Variants in CUX2 observed in about 807,000 individuals in gnomAD.
CUX2 encodes homeobox protein cut-like 2.
Under a neutral mutation model 144.8 loss-of-function variants are expected in CUX2, and 40 were observed. The ratio of observed to expected loss-of-function variants is 0.28; its 90% confidence interval spans 0.21 to 0.36. The LOEUF (loss-of-function observed/expected upper bound fraction) is 0.36, where lower values mean the gene tolerates loss of function less well. CUX2 is among the 10% of genes least tolerant of loss of function. The pLI is 1.00. For synonymous variants in CUX2, 827 were observed against 875.6 expected (o/e 0.94, Z 0.98); for missense variants, 1,615 against 1,994.0 (o/e 0.81, Z 3.62).
At chr12:111,141,333 C>A (rs1876304545) in intron 1 of CUX2, among the ~76,000 whole-genome samples, 1 of 152,110 alleles carries the variant, frequency 6.6e-6, no homozygotes, top group African/African-American at 2.4e-5. Context: ...AGACCTGTGC[C>A]TGTACTTGTT....
chr12:111,095,926 A>G (rs779168671), intron 1 of CUX2, among the ~76,000 whole-genome samples: 9 of 152,120 alleles, frequency 5.9e-5, no homozygotes, highest in Admixed American at 1.3e-4. Flanking sequence ...GTCCCTGCAC[A>G]TGGTGGTTGC....
chr12:111,231,429 G>A (rs1017406566), intron 3 of CUX2, among the ~76,000 whole-genome samples: 2 of 152,194 alleles, frequency 1.3e-5, no homozygotes, highest in African/African-American at 4.8e-5. Context: ...TTGTGGCTGT[G>A]TTTAACAACC....
In CUX2 at chr12:111,308,304, C is replaced by A; in HGVS notation, c.1129C>A (p.Leu377Met). 1 of 1,614,154 alleles carries A rather than the reference C, an allele frequency of 6.2e-7. No homozygotes were observed. The highest frequency in any genetic ancestry group is 8.5e-7 in the Non-Finnish European group (1 of 1,180,012). ...TGGCAGCATCCTGAAAGCCATGAAGCTGGCCTCCAGCACCTGCAGCCTCCC... is the reference window on the plus strand; with the variant it reads ...TGGCAGCATCCTGAAAGCCATGAAGATGGCCTCCAGCACCTGCAGCCTCCC... ...TELSILKAMK[L>M]ASSTCSLPQG... Residue 377 changes from leucine to methionine, a missense_variant, in exon 13 of 22, where the codon CTG becomes ATG. By Grantham distance (15) the Leu-to-Met change is conservative (BLOSUM62 2). Transcript: ENST00000261726.
At chr12:111,336,498 A>G (rs1565930421) in intron 19 of CUX2, among the ~76,000 whole-genome samples, 1 of 151,164 alleles carries the variant, frequency 6.6e-6, no homozygotes, top group Non-Finnish European at 1.5e-5. Flanking sequence ...CCCAGGCTGG[A>G]GTGCAGTCGT....
At chr12:111,120,602 C>G (rs1159796114) in intron 1 of CUX2, among the ~76,000 whole-genome samples, 2 of 151,646 alleles carry the variant, frequency 1.3e-5, no homozygotes, top group South Asian at 2.1e-4. Context: ...AAAGGATGCC[C>G]TTTGTCCTCA....
intron 1 of CUX2, among the ~76,000 whole-genome samples, chr12:111,187,776 C>T (rs1480182499): frequency 6.6e-6 from 1 of 152,184 alleles, no homozygotes; most frequent in Non-Finnish European, 1.5e-5. Context: ...GGCCCACTGG[C>T]CTGCTTCTTC....
Position 111,147,857 on chromosome 12 carries a change from G to C in CUX2, c.64-66343G>C, listed in dbSNP as rs189111798. ...GTCTCAGCAAACGAGTCCTCCAGGG[G>C]GCCCAGGCTCCCAGACACAGGGGCT... is the stretch of plus-strand genomic sequence containing the variant. On this transcript the variant is annotated intron_variant, in intron 1 of 21. Coordinates refer to ENST00000261726, the MANE Select transcript of CUX2 (RefSeq NM_015267.4). Among the ~76,000 whole-genome samples, 4 of 152,244 alleles carry C rather than the reference G, an allele frequency of 2.6e-5. No homozygotes were observed. The East Asian group carries it at 7.7e-4, about 29-fold the overall frequency.
At chr12:111,062,600 GCT>G (rs61201567) in intron 1 of CUX2, among the ~76,000 whole-genome samples, 4,366 of 152,302 alleles carry the variant, frequency 0.029, 189 homozygotes, top group African/African-American at 0.099. Flanking sequence ...CATGCTCTCT[GCT>G]CTCGAGGTGC....
At chr12:111,045,548 G>A (rs1373277028) in intron 1 of CUX2, among the ~76,000 whole-genome samples, 1 of 152,226 alleles carries the variant, frequency 6.6e-6, no homozygotes, top group African/African-American at 2.4e-5. Context: ...TGGGCATGTT[G>A]TGAGCCTTTC....
intron 18 of CUX2, among the ~76,000 whole-genome samples, chr12:111,325,624 T>G (rs1210720290): frequency 3.5e-5 from 4 of 112,702 alleles, no homozygotes; most frequent in Non-Finnish European, 5.3e-5. Flanking sequence ...TATAGTGTTG[T>G]GGTGGGGAGG....
chr12:111,333,625 G>A (rs1442781163), intron 18 of CUX2, among the ~76,000 whole-genome samples: 1 of 152,150 alleles, frequency 6.6e-6, no homozygotes, highest in Non-Finnish European at 1.5e-5. Context: ...TCACAGAAGT[G>A]ATGCCATGTC....
chr12:111,055,962 G>T (rs1293390193), intron 1 of CUX2, among the ~76,000 whole-genome samples: 1 of 152,242 alleles, frequency 6.6e-6, no homozygotes, highest in Non-Finnish European at 1.5e-5. Context: ...TTAGCTGCGT[G>T]GCTCTCAGTG....
chr12:111,266,535 CAG>C (rs1359341330), intron 4 of CUX2, among the ~76,000 whole-genome samples: 1 of 150,426 alleles, frequency 6.6e-6, no homozygotes, highest in Non-Finnish European at 1.5e-5. Context: ...TGTGTAAAAA[CAG>C]AGGCACGGTG....
chr12:111,055,006 C>G (rs1870452616), intron 1 of CUX2, among the ~76,000 whole-genome samples: 1 of 152,242 alleles, frequency 6.6e-6, no homozygotes, highest in South Asian at 2.1e-4. Flanking sequence ...CAAGGCCACA[C>G]AGCAGAGCCA....
In CUX2 at chr12:111,283,082, G is replaced by A. The variant is rs192454262; in HGVS notation, c.302-8336G>A. ...ACAAAAAAAAAATTAGCCAGGTGTG[G>A]TGGCGCATGCCTGTAATCTCATCTA... On this transcript the variant is annotated intron_variant, in intron 4 of 21. Transcript: ENST00000261726. Among the ~76,000 whole-genome samples, 6 of 152,172 alleles carry A rather than the reference G, an allele frequency of 3.9e-5. No homozygotes were observed. In the East Asian group the frequency reaches 1.2e-3, roughly 29 times the overall value.
At chr12:111,094,829 T>C (rs1172042887) in intron 1 of CUX2, among the ~76,000 whole-genome samples, 1 of 152,206 alleles carries the variant, frequency 6.6e-6, no homozygotes, top group Non-Finnish European at 1.5e-5. Context: ...AAGTGATTTA[T>C]GTGATACTGT....
chr12:111,307,410 C>T lies in CUX2; in HGVS notation c.1109+153C>T, dbSNP rs1408810114. 6.6e-6 allele frequency among the ~76,000 whole-genome samples: 1 copy of T among 152,176 alleles called. No homozygotes were observed. Among genetic ancestry groups the T allele is most frequent in the Non-Finnish European group, 1.5e-5 (1 of 68,030 alleles). Reference sequence around the variant, plus strand: ...TATCAAACCTTAACCATCCTCAGGCCAGGTGCAGTGGCTCATCCCTGTAAT... The same window carrying T: ...TATCAAACCTTAACCATCCTCAGGCTAGGTGCAGTGGCTCATCCCTGTAAT... On this transcript the variant is annotated intron_variant, in intron 12 of 21. Transcript: ENST00000261726. This position sits in a 1 kb window ranked among gnomAD's most constrained non-coding sequence, Gnocchi z 4.1.
chr12:111,137,816 G>C (rs988562875), intron 1 of CUX2, among the ~76,000 whole-genome samples: 1 of 152,228 alleles, frequency 6.6e-6, no homozygotes, highest in Admixed American at 6.5e-5. Context: ...ACCATGCACA[G>C]CCCACCCAGA....
chr12:111,150,236 C>T (rs989603080), intron 1 of CUX2, among the ~76,000 whole-genome samples: 2 of 152,180 alleles, frequency 1.3e-5, no homozygotes, highest in African/African-American at 4.8e-5. Flanking sequence ...TGTTTTTCTC[C>T]ATCATTTGAA....
Sources: allele counts gnomAD v4.1 joint callset (sites outside exome capture counted in the v4.1 genomes callset), GRCh38; gene constraint gnomAD v4.1.1; non-coding constraint Gnocchi (gnomAD v3.1); transcripts MANE v1.5; gene names NCBI Gene and HGNC (gene_info 2026-07-23, HGNC 2026-07-21).